DDX4: variants seen among roughly 807,000 people sequenced by gnomAD.
DDX4 encodes the protein probable ATP-dependent RNA helicase DDX4.
DDX4 carries 25 observed loss-of-function variants against 100.0 expected under a neutral mutation model. The observed-to-expected ratio is 0.25, with a 90% confidence interval of 0.18 to 0.35. The LOEUF (loss-of-function observed/expected upper bound fraction) is 0.35, where lower values mean the gene tolerates loss of function less well. Among genes scored for constraint, DDX4 ranks in the 10% least tolerant of loss-of-function variants. DDX4 has a pLI of 1.00. For synonymous variants in DDX4, 259 were observed against 275.7 expected, an observed-to-expected ratio of 0.94 and a Z score of 0.60; for missense variants, 635 against 882.4, an observed-to-expected ratio of 0.72 and a Z score of 3.55.
At chr5:55,804,206 T>A in intron 18 of DDX4, among the ~76,000 whole-genome samples, 1 of 152,172 alleles carries the variant, frequency 6.6e-6, no homozygotes. Context: ...GAGTTCATTG[T>A]AGATTCTGGA....
Position 55,739,010 on chromosome 5 carries a change from C to T in DDX4, c.47C>T (p.Ser16Phe). The T allele has an allele frequency of 1.3e-6, 2 of 1,599,324 alleles. No homozygotes were observed. The highest frequency in any genetic ancestry group is 1.7e-6 in the Non-Finnish European group (2 of 1,167,304). ...GCAGAAATCAACCCTCATATGTCTT[C>T]CTATGTTCCCATATTTGAGAAGGTA... ...WEAEINPHMS[S>F]YVPIFEKDRY... The change falls in exon 2 of 22, where the codon TCC becomes TTC. Residue 16 changes from serine to phenylalanine, a missense_variant. Ser to Phe is a radical substitution (Grantham distance 155). This residue lies in a region of DDX4 where 446 missense variants were observed against 540.8 expected (regional missense o/e 0.82). Coordinates refer to ENST00000505374, the MANE Select transcript of DDX4 (RefSeq NM_024415.3).
At chr5:55,781,650 G>T (rs1741920862) in intron 9 of DDX4, among the ~76,000 whole-genome samples, 1 of 151,960 alleles carries the variant, frequency 6.6e-6, no homozygotes, top group African/African-American at 2.4e-5. Flanking sequence ...GGTGGTATGT[G>T]CCTGTAGTCC....
intron 3 of DDX4, among the ~76,000 whole-genome samples, chr5:55,750,799 T>G (rs1759508146): frequency 6.6e-6 from 1 of 152,146 alleles, no homozygotes; most frequent in Non-Finnish European, 1.5e-5. Context: ...TTTTTACTTT[T>G]CCCCCTCATC....
Position 55,738,958 on chromosome 5 carries a change from G to T in DDX4, c.-6G>T. On this transcript the variant is annotated 5_prime_UTR_variant, in exon 2 of 22. Coordinates refer to ENST00000505374, the MANE Select transcript of DDX4 (RefSeq NM_024415.3). The stretch of plus-strand genomic sequence containing the variant: ...TTTTTTTTTATGAATAGAACTTGAA[G>T]CCACCATGGGAGATGAAGATTGGGA... 6.4e-7 allele frequency: 1 copy of T among 1,574,312 alleles called. No homozygotes were observed. The highest frequency in any genetic ancestry group is 8.7e-7 in the Non-Finnish European group (1 of 1,147,420).
At chr5:55,764,947 GA>G (rs1454224534) in intron 6 of DDX4, among the ~76,000 whole-genome samples, 3 of 152,114 alleles carry the variant, frequency 2.0e-5, no homozygotes, top group Non-Finnish European at 2.9e-5. Flanking sequence ...TAAACACTTT[GA>G]TTCCCAAAGT....
At chr5:55,740,051 T>C (rs758235230) in intron 2 of DDX4, among the ~76,000 whole-genome samples, 3 of 152,226 alleles carry the variant, frequency 2.0e-5, no homozygotes, top group African/African-American at 4.8e-5. Context: ...TATAGTTCTC[T>C]TCTCATAATA....
chr5:55,753,149 A>T (rs1301425063), intron 3 of DDX4, among the ~76,000 whole-genome samples: 1 of 151,934 alleles, frequency 6.6e-6, no homozygotes, highest in Non-Finnish European at 1.5e-5. Context: ...GTTCACTCTG[A>T]TGGTAGTTTC....
intron 13 of DDX4, 122 bp downstream of exon 13, chr5:55,785,993 T>G (rs886575941): frequency 1.6e-6 from 1 of 613,870 alleles, no homozygotes; most frequent in Admixed American, 3.2e-5. Flanking sequence ...AGGTCTTAGG[T>G]TGGAAATTTA....
intron 2 of DDX4, among the ~76,000 whole-genome samples, chr5:55,741,273 C>T (rs1214005919): frequency 6.6e-6 from 1 of 152,216 alleles, no homozygotes; most frequent in Admixed American, 6.5e-5. Context: ...TATTCAATAA[C>T]ATAGTTTCTT....
chr5:55,800,324 GTT>G (rs776992728), intron 18 of DDX4, among the ~76,000 whole-genome samples: 5 of 137,416 alleles, frequency 3.6e-5, no homozygotes, highest in Non-Finnish European at 3.2e-5. Context: ...GTCACCTTAA[GTT>G]TTTTTTTTTT....
chr5:55,804,590 C>G (rs2112140791), intron 18 of DDX4, among the ~76,000 whole-genome samples: 1 of 152,222 alleles, frequency 6.6e-6, no homozygotes, highest in East Asian at 1.9e-4. Context: ...ATCCTTTCCC[C>G]ATTGCTTGTT....
intron 7 of DDX4, among the ~76,000 whole-genome samples, chr5:55,772,578 A>G (rs1474997425): frequency 2.0e-5 from 3 of 152,076 alleles, no homozygotes; most frequent in African/African-American, 7.2e-5. Context: ...TGATTCCCAG[A>G]GTTGGAGGTA....
chr5:55,807,214 G>A (rs987335954), intron 18 of DDX4, among the ~76,000 whole-genome samples: 29 of 152,066 alleles, frequency 1.9e-4, no homozygotes, highest in African/African-American at 7.0e-4. Flanking sequence ...GCCTATGTGT[G>A]GCTCTGCACA....
intron 18 of DDX4, among the ~76,000 whole-genome samples, chr5:55,807,983 A>G (rs1288880943): frequency 6.6e-6 from 1 of 152,152 alleles, no homozygotes; most frequent in Non-Finnish European, 1.5e-5. Flanking sequence ...GTCTTTTCAC[A>G]TAGTCCCATA....
At chr5:55,760,091 C>A in intron 3 of DDX4, 109 bp from the exon 4 acceptor site, 29 of 1,012,132 alleles carry the variant, frequency 2.9e-5, no homozygotes, top group East Asian at 3.5e-5. Context: ...ACCTTTTTTA[C>A]TGCTATATAA....
chr5:55,765,183 G>A (rs1052258006), intron 6 of DDX4, among the ~76,000 whole-genome samples: 1 of 151,390 alleles, frequency 6.6e-6, no homozygotes, highest in Non-Finnish European at 1.5e-5. Flanking sequence ...ATGTGTTTCT[G>A]TTCTGATCTC....
At chr5:55,759,225 A>C (rs1322679428) in intron 3 of DDX4, among the ~76,000 whole-genome samples, 5 of 151,670 alleles carry the variant, frequency 3.3e-5, no homozygotes, top group Non-Finnish European at 4.4e-5. Context: ...TGTTTTTCTA[A>C]TATTCTTGTT....
chr5:55,807,645 T>C (rs1015283812), intron 18 of DDX4, among the ~76,000 whole-genome samples: 1 of 152,226 alleles, frequency 6.6e-6, no homozygotes, highest in Admixed American at 6.5e-5. Context: ...ATGTTGAATA[T>C]TGGCCCCCAC....
At chr5:55,803,771 G>A (rs868469807) in intron 18 of DDX4, among the ~76,000 whole-genome samples, 243 of 151,932 alleles carry the variant, frequency 1.6e-3, no homozygotes, top group African/African-American at 4.2e-3. Context: ...ATTGTGAATA[G>A]TGCCTCAATA....
Sources: gnomAD v4.1 joint callset for allele counts (sites outside exome capture counted in the v4.1 genomes callset) on GRCh38, gnomAD v4.1.1 for gene constraint, gnomAD v4.1.1 regional missense constraint, MANE v1.5 for transcripts, NCBI Gene and HGNC (gene_info 2026-07-23, HGNC 2026-07-21) for gene names.